LBHD1: variants seen among roughly 807,000 people sequenced by gnomAD.
LBHD1 encodes LBH domain-containing protein 1.
Under a neutral mutation model 31.1 loss-of-function variants are expected in LBHD1, and 28 were observed. The observed-to-expected ratio is 0.90, with a 90% CI of 0.67 to 1.24. LBHD1 has a LOEUF of 1.24. Ranked by LOEUF, LBHD1 falls within the 50% of genes most tolerant of loss-of-function variation. The pLI is 0.00. For missense variants in LBHD1, 350 were observed against 323.0 expected (o/e 1.08, Z -0.64); for synonymous variants, 105 against 116.5 (o/e 0.90, Z 0.63).
intron 4 of LBHD1, chr11:62,665,724 G>A (rs978527715): frequency 6.8e-7 from 1 of 1,463,662 alleles, no homozygotes; most frequent in Admixed American, 2.4e-5. Context: ...CTGTGTCCGC[G>A]TTCTTTTTTC....
chr11:62,672,227 C>A lies in LBHD1; in HGVS notation c.-674G>T. 1 of 1,136,552 alleles carries A rather than the reference C, an allele frequency of 8.8e-7. No homozygotes were observed. The highest frequency in any genetic ancestry group is 1.2e-6 in the Non-Finnish European group (1 of 805,594). 70.4% of individuals were successfully genotyped at this position (1,136,552 alleles called of 1,614,324 possible). On this transcript the variant is annotated 5_prime_UTR_variant, in exon 1 of 7. Transcript: ENST00000354588. ...TCCGGACCGAGATACCATGCCAGGA[C>A]TCTCCGGGGTCCTGTGAGCTGCCGT...
chr11:62,669,824 G>C (rs780552562), intron 2 of LBHD1, 21 bp from the exon 3 acceptor site: 1 of 1,614,244 alleles, frequency 6.2e-7, no homozygotes, highest in Non-Finnish European at 8.5e-7. Flanking sequence ...ACAGCAGGGA[G>C]GTTGGGCCAA....
rs1195157269 is a variant in LBHD1, at chr11:62,664,842, T to G, written c.663+7A>C. 1 of 1,561,542 alleles carries G rather than the reference T, an allele frequency of 6.4e-7. No homozygotes were observed. Among genetic ancestry groups the G allele is most frequent in the Non-Finnish European group, 8.7e-7 (1 of 1,152,702 alleles). ...GACGACCAACAGGAAGAGGGTCTAG[T>G]ACTTACGCCCGCTTCTTGAGGTGGT... is the stretch of plus-strand genomic sequence containing the variant. On this transcript the variant is annotated splice_region_variant and intron_variant, in intron 5 of 6. Transcript: ENST00000354588.
Position 62,672,250 on chromosome 11 carries a change from C to G in LBHD1, c.-697G>C. Reference sequence around the variant, plus strand: ...GACTCTCCGGGGTCCTGTGAGCTGCCGTCGGGTGAGCACGTTTCCCCCAAA... The same window carrying G: ...GACTCTCCGGGGTCCTGTGAGCTGCGGTCGGGTGAGCACGTTTCCCCCAAA... On this transcript the variant is annotated 5_prime_UTR_variant, in exon 1 of 7. Coordinates refer to ENST00000354588, the MANE Select transcript of LBHD1 (RefSeq NM_024099.5). 1.1e-6 allele frequency: 1 copy of G among 924,426 alleles called. No homozygotes were observed. The highest frequency in any genetic ancestry group is 1.7e-5 in the South Asian group (1 of 59,776). The allele number at this position is 924,426 out of a possible 1,614,324, so 57.3% of individuals were successfully genotyped here.
At chr11:62,667,151 C>T in intron 4 of LBHD1, 1 of 1,259,846 alleles carries the variant, frequency 7.9e-7, no homozygotes, top group Non-Finnish European at 1.1e-6. Flanking sequence ...GAATTTGAGT[C>T]CTGGCTTCCA....
rs775033809 is a variant in LBHD1, at chr11:62,672,039, C to G, written c.-486G>C. The G allele has an allele frequency of 1.9e-6, 3 of 1,612,342 alleles. No homozygotes were observed. Among genetic ancestry groups the G allele is most frequent in the Non-Finnish European group, 1.7e-6 (2 of 1,179,412 alleles). Reference sequence around the variant, plus strand: ...TGGCCACTCTGCAGGAGGCAGCGACCACGCAGGAGAACGTGGCCTGGAGGA... The same window carrying G: ...TGGCCACTCTGCAGGAGGCAGCGACGACGCAGGAGAACGTGGCCTGGAGGA... On this transcript the variant is annotated 5_prime_UTR_variant, in exon 1 of 7. Transcript: ENST00000354588.
rs572289694 is a variant in LBHD1 at position 62,665,305 on chromosome 11, G to C, written c.539-332C>G. The C allele has an allele frequency of 5.6e-5, 40 of 713,780 alleles. 1 individual carries two copies. Among genetic ancestry groups the C allele is most frequent in the Middle Eastern group, 7.5e-4 (2 of 2,682 alleles). The allele number at this position is 713,780 out of a possible 1,614,324, so 44.2% of individuals were successfully genotyped here. On this transcript the variant is annotated intron_variant, in intron 4 of 6. Coordinates refer to ENST00000354588, the MANE Select transcript of LBHD1 (RefSeq NM_024099.5). Reference sequence around the variant, plus strand: ...GCTATATAAAGGAGCTCCGCGGTGCGGGAGGCCTTTCGGAGGGTGGTGAGC... The same window carrying C: ...GCTATATAAAGGAGCTCCGCGGTGCCGGAGGCCTTTCGGAGGGTGGTGAGC...
chr11:62,664,881 C>A lies in LBHD1; in HGVS notation c.631G>T (p.Ala211Ser). The A allele has an allele frequency of 1.3e-6, 2 of 1,584,966 alleles. No individual in the cohort carries two copies. Among genetic ancestry groups the A allele is most frequent in the South Asian group, 2.3e-5 (2 of 87,442 alleles). ...PGGRGCDRPR[A>S]DHAAPPQEAG... ...TCTTGAGGTGGTGCCGCGTGATCAGCCCTTGGTCTATCACAGCCCCGACCA... is the reference window on the plus strand; with the variant it reads ...TCTTGAGGTGGTGCCGCGTGATCAGACCTTGGTCTATCACAGCCCCGACCA... Residue 211 changes from alanine to serine, a missense_variant, in exon 5 of 7, where the codon GCT (alanine) becomes TCT (serine). Ala to Ser is a moderately conservative substitution (Grantham distance 99). Transcript: ENST00000354588.
chr11:62,671,645 T>TAGGGCGCTCTAGCCTG lies in LBHD1; in HGVS notation c.-108_-93dup, dbSNP rs1374698448. On this transcript the variant is annotated 5_prime_UTR_variant, in exon 1 of 7. An upstream open reading frame in the 5' UTR gains an earlier in-frame stop. Transcript: ENST00000354588. ...GGCCGCTTATCTATGGTTTCTGCTA[T>TAGGGCGCTCTAGCCTG]AGGGCGCTCTAGCCTGCGCCAAGGG... The TAGGGCGCTCTAGCCTG allele has an allele frequency of 6.5e-7, 1 of 1,545,720 alleles. No individual in the cohort carries two copies. Among genetic ancestry groups the TAGGGCGCTCTAGCCTG allele is most frequent in the Non-Finnish European group, 8.7e-7 (1 of 1,150,722 alleles).
intron 4 of LBHD1, chr11:62,667,273 A>G (rs889116453): frequency 1.1e-5 from 7 of 637,764 alleles, no homozygotes; most frequent in East Asian, 8.2e-5. Context: ...TGTGCGCAAT[A>G]TTTAGCACAA....
intron 4 of LBHD1, chr11:62,665,527 C>T (rs765114035): frequency 8.3e-6 from 13 of 1,568,198 alleles, no homozygotes; most frequent in Admixed American, 6.8e-5. Flanking sequence ...TCGGTGCTGG[C>T]GGCTTCCCAT....
At chr11:62,668,832 A>G (rs1944886764) in intron 3 of LBHD1, among the ~76,000 whole-genome samples, 1 of 151,888 alleles carries the variant, frequency 6.6e-6, no homozygotes, top group Non-Finnish European at 1.5e-5. Flanking sequence ...CAAAACAAAC[A>G]AACAAAAAAA....
chr11:62,671,651 G>A lies in LBHD1; in HGVS notation c.-98C>T, dbSNP rs536636901. On this transcript the variant is annotated 5_prime_UTR_variant, in exon 1 of 7. Coordinates refer to ENST00000354588, the MANE Select transcript of LBHD1 (RefSeq NM_024099.5). ...TTATCTATGGTTTCTGCTATAGGGCGCTCTAGCCTGCGCCAAGGGGTAGTG... is the reference window on the plus strand; with the variant it reads ...TTATCTATGGTTTCTGCTATAGGGCACTCTAGCCTGCGCCAAGGGGTAGTG... 2 of 1,558,272 alleles carry A rather than the reference G, an allele frequency of 1.3e-6. No individual in the cohort carries two copies. Among genetic ancestry groups the A allele is most frequent in the South Asian group, 1.2e-5 (1 of 85,398 alleles).
Position 62,663,082 on chromosome 11 carries a change from C to T in LBHD1, c.*47G>A, listed in dbSNP as rs1162931911. The T allele has an allele frequency of 2.5e-6, 4 of 1,611,076 alleles. No homozygotes were observed. The South Asian group carries it at 3.3e-5, about 13-fold the overall frequency. Reference sequence around the variant, plus strand: ...TCATCTTCAAGGTCCTTCATTTCTACATCCTGGGGGGCTTTTGTCTTCTTT... The same window carrying T: ...TCATCTTCAAGGTCCTTCATTTCTATATCCTGGGGGGCTTTTGTCTTCTTT... On this transcript the variant is annotated 3_prime_UTR_variant, in exon 7 of 7. Transcript: ENST00000354588.
intron 1 of LBHD1, 34 bp downstream of exon 1, chr11:62,671,530 C>T: frequency 7.1e-7 from 1 of 1,411,614 alleles, no homozygotes; most frequent in Non-Finnish European, 9.2e-7. Flanking sequence ...TTGGTGCCAG[C>T]ACTTCTTGGA....
At chr11:62,665,488 A>G in intron 4 of LBHD1, 1 of 1,575,116 alleles carries the variant, frequency 6.3e-7, no homozygotes, top group Non-Finnish European at 8.6e-7. Flanking sequence ...GAAGAGGGAA[A>G]GGGCTCTGGC....
intron 4 of LBHD1, chr11:62,666,545 G>T (rs1435324100): frequency 2.5e-6 from 4 of 1,614,154 alleles, no homozygotes; most frequent in Non-Finnish European, 3.4e-6. Flanking sequence ...GGAGGCACAG[G>T]CTGCCAGTCC....
At chr11:62,666,757 C>T (rs746570653) in intron 4 of LBHD1, 8 of 1,614,036 alleles carry the variant, frequency 5.0e-6, no homozygotes, top group South Asian at 2.2e-5. Context: ...TCATGCACGC[C>T]GATGCTCAGA....
intron 4 of LBHD1, chr11:62,665,510 C>T: frequency 6.4e-7 from 1 of 1,572,870 alleles, no homozygotes; most frequent in Non-Finnish European, 8.6e-7. Flanking sequence ...CCCTCGGCGT[C>T]ATGTCTTCGG....
Sources: gnomAD v4.1 joint callset for allele counts (sites outside exome capture counted in the v4.1 genomes callset) on GRCh38, gnomAD v4.1.1 for gene constraint, MANE v1.5 for transcripts, NCBI Gene and HGNC (gene_info 2026-07-23, HGNC 2026-07-21) for gene names.